Variants in LARGE1 observed in about 807,000 individuals in gnomAD.
LARGE1 encodes LARGE xylosyl- and glucuronyltransferase 1.
Under a neutral mutation model 87.6 loss-of-function variants are expected in LARGE1, and 43 were observed. That is an observed-to-expected ratio of 0.49 (90% CI 0.38 to 0.63). The LOEUF is 0.63. Among genes scored for constraint, LARGE1 ranks in the 30% least tolerant of loss-of-function variants. The probability of loss-of-function intolerance (pLI) is 0.00; values close to 1 mark genes in which losing one functional copy is unlikely to be tolerated. For synonymous variants in LARGE1, 434 were observed against 394.6 expected (o/e 1.10, Z -1.18); for missense variants, 802 against 1,000.2 (o/e 0.80, Z 2.67).
chr22:33,071,892 G>T, the LARGE1 span, among the ~76,000 whole-genome samples: 2 of 152,176 alleles, frequency 1.3e-5, no homozygotes, highest in African/African-American at 4.8e-5. Context: ...CTACCTGGCT[G>T]TTCCTGACTC....
At chr22:33,703,987 G>A (rs2082479681) in intron 2 of LARGE1, among the ~76,000 whole-genome samples, 1 of 152,186 alleles carries the variant, frequency 6.6e-6, no homozygotes, top group African/African-American at 2.4e-5. Flanking sequence ...GGGAGGATCT[G>A]TGCACCAGCC....
chr22:33,652,822 AT>A (rs964745154), intron 2 of LARGE1, among the ~76,000 whole-genome samples: 1 of 151,784 alleles, frequency 6.6e-6, no homozygotes, highest in African/African-American at 2.4e-5. Context: ...AATATGACTC[AT>A]TTTTTTTCCT....
At chr22:33,510,397 T>C (rs1279735629) in intron 6 of LARGE1, among the ~76,000 whole-genome samples, 1 of 152,198 alleles carries the variant, frequency 6.6e-6, no homozygotes, top group South Asian at 2.1e-4. Context: ...CCTCTAACAA[T>C]TGGCTTGTGT....
rs1928641956 is a variant in LARGE1, at chr22:33,273,975, G to A, written c.*452C>T. The A allele has an allele frequency of 5.8e-6, 2 of 344,576 alleles. No individual in the cohort carries two copies. Among genetic ancestry groups the A allele is most frequent in the South Asian group, 1.2e-4 (2 of 16,712 alleles). The allele number at this position is 344,576 out of a possible 1,614,324, so 21.3% of individuals were successfully genotyped here. A position where few individuals can be genotyped will look rare whatever the true frequency, so the allele number is the denominator to read the frequency against. On this transcript the variant is annotated 3_prime_UTR_variant, in exon 15 of 15. Transcript: ENST00000397394. ...CCCAGCTACATTGCAGGGCAAAGGG[G>A]AAAGTTTTCACTTAATAAAGACAAT...
Position 33,187,921 on chromosome 22 carries a change from C to CAAAA in LARGE1, c.1731-21093_1731-21090dup, listed in dbSNP as rs578115819. On this transcript the variant is annotated intron_variant, in intron 11 of 11. Coordinates refer to the LARGE1 transcript ENST00000608642. ...TGGGCAACAGAGTGAGACTCCGTCT[C>CAAAA]AAAAAAAAAAAAAAAAAAAAAAAAA... Among the ~76,000 whole-genome samples, 12 of 36,914 alleles carry CAAAA rather than the reference C, an allele frequency of 3.3e-4. 1 individual carries two copies. The highest frequency in any genetic ancestry group is 9.0e-4 in the Admixed American group (2 of 2,222). The allele number at this position is 36,914 out of a possible 152,430, so 24.2% of individuals were successfully genotyped here. A position where few individuals can be genotyped will look rare whatever the true frequency, so the allele number is the denominator to read the frequency against.
chr22:33,178,475 A>G (rs7284510), intron 11 of LARGE1, among the ~76,000 whole-genome samples: 25,393 of 152,176 alleles, frequency 0.17, 2,271 homozygotes, highest in South Asian at 0.32. Context: ...CTTAGAATGG[A>G]CATGAACAGG....
intron 11 of LARGE1, among the ~76,000 whole-genome samples, chr22:33,189,426 T>A (rs1923660044): frequency 6.6e-6 from 1 of 152,198 alleles, no homozygotes. Context: ...TGGAAAAATC[T>A]TGGACATTCT....
chr22:33,422,958 C>A (rs766763273), intron 7 of LARGE1, among the ~76,000 whole-genome samples: 1 of 151,856 alleles, frequency 6.6e-6, no homozygotes, highest in Non-Finnish European at 1.5e-5. Flanking sequence ...CAAACCCTAT[C>A]AATATTTGAG....
chr22:33,519,231 C>T (rs1162101916), intron 6 of LARGE1, among the ~76,000 whole-genome samples: 27 of 134,632 alleles, frequency 2.0e-4, no homozygotes, highest in African/African-American at 6.3e-4. Context: ...CGTGCGTGCG[C>T]GCGCGTGTGT....
chr22:33,903,928 G>C (rs960925125), intron 1 of LARGE1, among the ~76,000 whole-genome samples: 4 of 152,178 alleles, frequency 2.6e-5, no homozygotes, highest in Non-Finnish European at 4.4e-5. Context: ...TCCTAGCAGG[G>C]AAAGTGTTGA....
intron 1 of LARGE1, among the ~76,000 whole-genome samples, chr22:33,823,652 C>T (rs1257513159): frequency 6.6e-6 from 1 of 152,180 alleles, no homozygotes; most frequent in Non-Finnish European, 1.5e-5. Context: ...TCCCTATACA[C>T]AGTGTGACTG....
intron 1 of LARGE1, among the ~76,000 whole-genome samples, chr22:33,877,094 C>T (rs2064491289): frequency 1.3e-5 from 2 of 152,130 alleles, no homozygotes; most frequent in Admixed American, 6.5e-5. Flanking sequence ...CTCTGCCTTC[C>T]GCAAGTATTT....
intron 5 of LARGE1, among the ~76,000 whole-genome samples, chr22:33,576,841 G>A (rs923140759): frequency 6.6e-6 from 1 of 152,096 alleles, no homozygotes; most frequent in Admixed American, 6.5e-5. Context: ...TAAATACTAT[G>A]TAAATGGCTG....
intron 9 of LARGE1, among the ~76,000 whole-genome samples, chr22:33,374,058 G>A (rs1488591602): frequency 6.6e-6 from 1 of 150,396 alleles, no homozygotes; most frequent in Non-Finnish European, 1.5e-5. Context: ...TTGTACTCTT[G>A]GCTTTTCTTG....
the LARGE1 span, among the ~76,000 whole-genome samples, chr22:33,080,230 A>G: frequency 6.6e-6 from 1 of 152,192 alleles, no homozygotes; most frequent in Non-Finnish European, 1.5e-5. Context: ...TTTTTGAATC[A>G]TGTTACTTGC....
At chr22:33,861,400 A>AC (rs1238078606) in intron 1 of LARGE1, among the ~76,000 whole-genome samples, 2 of 151,734 alleles carry the variant, frequency 1.3e-5, no homozygotes, top group African/African-American at 4.9e-5. Flanking sequence ...ACACACACAC[A>AC]AACACACACA....
At chr22:33,569,355 T>G (rs2078125536) in intron 5 of LARGE1, among the ~76,000 whole-genome samples, 1 of 152,214 alleles carries the variant, frequency 6.6e-6, no homozygotes, top group Non-Finnish European at 1.5e-5. Flanking sequence ...TGTGAGGCAC[T>G]CAGTTACACT....
rs141583874 is a variant in LARGE1 at position 33,494,375 on chromosome 22, C to T, written c.788-62110G>A. The stretch of plus-strand genomic sequence containing the variant: ...TGGTTAAATGCTACTTGACAGCTTA[C>T]GTAAATGAATAAAGTGACTGAGCTG... On this transcript the variant is annotated intron_variant, in intron 6 of 14. Transcript: ENST00000397394. 2.3e-4 allele frequency among the ~76,000 whole-genome samples: 35 copies of T among 152,130 alleles called. No homozygotes were observed. In the East Asian group the frequency reaches 6.0e-3, roughly 26 times the overall value.
chr22:33,540,768 C>T (rs1333673123), intron 6 of LARGE1, among the ~76,000 whole-genome samples: 1 of 151,934 alleles, frequency 6.6e-6, no homozygotes, highest in Non-Finnish European at 1.5e-5. Flanking sequence ...CACGTGCTCC[C>T]CAGATGATTA....
Sources: allele counts gnomAD v4.1 joint callset (sites outside exome capture counted in the v4.1 genomes callset), GRCh38; gene constraint gnomAD v4.1.1; transcripts MANE v1.5; gene names NCBI Gene and HGNC (gene_info 2026-07-23, HGNC 2026-07-21).